DCDC2: variants seen among roughly 807,000 people sequenced by gnomAD.
DCDC2 encodes the protein doublecortin domain containing 2.
Under a neutral mutation model 50.2 loss-of-function variants are expected in DCDC2, and 40 were observed. The ratio of observed to expected loss-of-function variants is 0.80; its 90% CI spans 0.62 to 1.04. DCDC2 has a LOEUF of 1.04. Ranked by LOEUF, DCDC2 falls within the 50% of genes least tolerant of loss-of-function variation. DCDC2 has a pLI of 0.00. For synonymous variants in DCDC2, 234 were observed against 210.6 expected, an observed-to-expected ratio of 1.11 and a Z score of -0.96; for missense variants, 570 against 581.9, an observed-to-expected ratio of 0.98 and a Z score of 0.21.
At chr6:24,250,226 GT>G (rs1421613536) in intron 7 of DCDC2, among the ~76,000 whole-genome samples, 1 of 152,180 alleles carries the variant, frequency 6.6e-6, no homozygotes, top group African/African-American at 2.4e-5. Context: ...CAAACCAGAG[GT>G]GAGTACAAAT....
chr6:24,302,646 CCT>C (rs143471478), intron 2 of DCDC2, among the ~76,000 whole-genome samples: 4,890 of 152,146 alleles, frequency 0.032, 227 homozygotes, highest in African/African-American at 0.11. Context: ...ATCACCTTTG[CCT>C]CTCTTTTTGC....
chr6:24,349,819 A>G (rs1286153487), intron 2 of DCDC2, among the ~76,000 whole-genome samples: 2 of 152,178 alleles, frequency 1.3e-5, no homozygotes, highest in Admixed American at 6.5e-5. Context: ...TACAAGGGCA[A>G]TCCAGGAGAT....
intron 6 of DCDC2, among the ~76,000 whole-genome samples, chr6:24,281,143 C>T (rs1015529927): frequency 1.3e-5 from 2 of 151,848 alleles, no homozygotes; most frequent in African/African-American, 4.8e-5. Flanking sequence ...GATAAAGACA[C>T]TCGAAAAAGG....
intron 4 of DCDC2, among the ~76,000 whole-genome samples, chr6:24,292,341 C>T (rs571542923): frequency 3.9e-4 from 51 of 131,498 alleles, no homozygotes; most frequent in African/African-American, 1.0e-3. Flanking sequence ...CATTTACAGA[C>T]GCAAAAAAAA....
chr6:24,288,761 A>C (rs1763673682), intron 6 of DCDC2, 91 bp downstream of exon 6: 2 of 1,216,990 alleles, frequency 1.6e-6, no homozygotes, highest in Non-Finnish European at 2.4e-6. Flanking sequence ...GCTAAGTTTT[A>C]TCTCTTGGAA....
chr6:24,270,170 C>T (rs1236265966), intron 7 of DCDC2, among the ~76,000 whole-genome samples: 1 of 152,100 alleles, frequency 6.6e-6, no homozygotes, highest in African/African-American at 2.4e-5. Flanking sequence ...CAGGCACATC[C>T]ACCTCTTAAC....
At chr6:24,373,561 G>A in the DCDC2 span, among the ~76,000 whole-genome samples, 1 of 152,148 alleles carries the variant, frequency 6.6e-6, no homozygotes, top group Non-Finnish European at 1.5e-5. Context: ...AGGATCCAAA[G>A]TGGTGAGTAA....
chr6:24,256,873 T>C (rs1407069205), intron 7 of DCDC2, among the ~76,000 whole-genome samples: 1 of 152,216 alleles, frequency 6.6e-6, no homozygotes, highest in Admixed American at 6.5e-5. Flanking sequence ...CATTTTTTAC[T>C]GGCATCTTCC....
chr6:24,284,015 C>A lies in DCDC2; in HGVS notation c.759+4837G>T, dbSNP rs10452598. ...ATGTTTATCCCTGGTGTATATCACACGTATTGTGCATTTGTTTCTGGAATG... is the reference window on the plus strand; with the variant it reads ...ATGTTTATCCCTGGTGTATATCACAAGTATTGTGCATTTGTTTCTGGAATG... On this transcript the variant is annotated intron_variant, in intron 6 of 9. Coordinates refer to ENST00000378454, the MANE Select transcript of DCDC2 (RefSeq NM_016356.5). 1.3e-4 allele frequency among the ~76,000 whole-genome samples: 20 copies of A among 152,260 alleles called. 1 individual carries two copies. Among genetic ancestry groups the A allele is most frequent in the African/African-American group, 4.6e-4 (19 of 41,562 alleles).
At chr6:24,207,080 G>A (rs1408586818) in intron 7 of DCDC2, among the ~76,000 whole-genome samples, 1 of 152,122 alleles carries the variant, frequency 6.6e-6, no homozygotes, top group African/African-American at 2.4e-5. Flanking sequence ...ATTAAAGGCA[G>A]AATATTAATT....
intron 8 of DCDC2, among the ~76,000 whole-genome samples, chr6:24,192,203 T>C (rs149037585): frequency 6.6e-6 from 1 of 152,348 alleles, no homozygotes; most frequent in African/African-American, 2.4e-5. Flanking sequence ...TCTTGATCCA[T>C]GCCTCTTTCT....
chr6:24,234,231 A>C (rs761441405), intron 7 of DCDC2, among the ~76,000 whole-genome samples: 1 of 41,888 alleles, frequency 2.4e-5, no homozygotes, highest in Non-Finnish European at 1.0e-4. Context: ...AGGAGACCAT[A>C]AAAAAAAAAA....
At chr6:24,333,355 G>T (rs1350597845) in intron 2 of DCDC2, among the ~76,000 whole-genome samples, 1 of 152,110 alleles carries the variant, frequency 6.6e-6, no homozygotes, top group Non-Finnish European at 1.5e-5. Flanking sequence ...GATCCTGAAA[G>T]GTATGACGAC....
the DCDC2 span, among the ~76,000 whole-genome samples, chr6:24,378,171 G>C: frequency 2.0e-5 from 3 of 152,184 alleles, no homozygotes; most frequent in Non-Finnish European, 4.4e-5. Context: ...GGAAGAAAAA[G>C]GACCCTGCCT....
intron 4 of DCDC2, among the ~76,000 whole-genome samples, chr6:24,296,072 A>G (rs149727256): frequency 2.1e-3 from 322 of 152,330 alleles, no homozygotes; most frequent in African/African-American, 7.4e-3. Flanking sequence ...CCAACTTCAA[A>G]CTATGTTACA....
At chr6:24,318,739 T>C (rs1289680678) in intron 2 of DCDC2, among the ~76,000 whole-genome samples, 1 of 151,614 alleles carries the variant, frequency 6.6e-6, no homozygotes, top group Non-Finnish European at 1.5e-5. Flanking sequence ...CATAATTTCA[T>C]TCTTTTTAAC....
intron 8 of DCDC2, among the ~76,000 whole-genome samples, chr6:24,179,435 C>A (rs113339856): frequency 0.064 from 9,592 of 149,394 alleles, 973 homozygotes; most frequent in African/African-American, 0.22. Flanking sequence ...GTAGTCCCAG[C>A]TACTCGGGAG....
chr6:24,211,580 T>A (rs948484046), intron 7 of DCDC2, among the ~76,000 whole-genome samples: 4 of 151,978 alleles, frequency 2.6e-5, no homozygotes, highest in African/African-American at 9.7e-5. Context: ...ATCACAAGGG[T>A]CCTTGTGAGT....
chr6:24,265,495 ATAGATCATATGT>A (rs1281112578), intron 7 of DCDC2, among the ~76,000 whole-genome samples: 22 of 152,206 alleles, frequency 1.4e-4, no homozygotes, highest in African/African-American at 5.1e-4. Flanking sequence ...ATTCTCAAGG[ATAGATCATATGT>A]TAGATCACAA....
Sources: allele counts gnomAD v4.1 joint callset (sites outside exome capture counted in the v4.1 genomes callset), GRCh38; gene constraint gnomAD v4.1.1; transcripts MANE v1.5; gene names NCBI Gene and HGNC (gene_info 2026-07-23, HGNC 2026-07-21).